Variants in RIGI observed in about 807,000 individuals in gnomAD.
The protein encoded by RIGI is antiviral innate immune response receptor RIG-I.
the RIGI span, among the ~76,000 whole-genome samples, chr9:32,521,150 A>AAAAAAAAAAAAAAAAAAAAAAT: frequency 6.7e-6 from 1 of 150,262 alleles, no homozygotes; most frequent in Admixed American, 6.6e-5. Context: ...AAAAAAAAAA[A>AAAAAAAAAAAAAAAAAAAAAAT]AAAAAAAAAA....
chr9:32,467,639 G>C, the RIGI span: 3 of 888,570 alleles, frequency 3.4e-6, no homozygotes, highest in Non-Finnish European at 4.9e-6. Context: ...ATACCAAAGT[G>C]CACTGTGCCA....
the RIGI span, among the ~76,000 whole-genome samples, chr9:32,522,434 G>T: frequency 6.6e-6 from 1 of 152,106 alleles, no homozygotes; most frequent in Non-Finnish European, 1.5e-5. Flanking sequence ...TTTTATAAGG[G>T]GACACAGTTG....
the RIGI span, among the ~76,000 whole-genome samples, chr9:32,511,211 G>A: frequency 6.6e-6 from 1 of 152,100 alleles, no homozygotes; most frequent in African/African-American, 2.4e-5. Context: ...TTCAGGACTT[G>A]AACTCAGCTC....
the RIGI span, among the ~76,000 whole-genome samples, chr9:32,501,967 A>T: frequency 1.3e-5 from 2 of 152,222 alleles, no homozygotes; most frequent in Non-Finnish European, 2.9e-5. Context: ...CTACTATTTT[A>T]GTACATTTTC....
the RIGI span, among the ~76,000 whole-genome samples, chr9:32,484,853 T>A: frequency 1.3e-5 from 2 of 152,228 alleles, no homozygotes; most frequent in South Asian, 4.1e-4. Flanking sequence ...AGTAGAGGAA[T>A]GGTGGTTTCA....
the RIGI span, among the ~76,000 whole-genome samples, chr9:32,518,312 T>C: frequency 2.6e-5 from 4 of 151,538 alleles, no homozygotes; most frequent in South Asian, 2.1e-4. Context: ...AGGAAGGTTA[T>C]AAAGAAAATA....
chr9:32,457,801 A>G, the RIGI span, among the ~76,000 whole-genome samples: 1 of 152,228 alleles, frequency 6.6e-6, no homozygotes, highest in East Asian at 1.9e-4. Flanking sequence ...CAAAGGATAC[A>G]GGGAAAACGA....
chr9:32,506,019 C>T, the RIGI span, among the ~76,000 whole-genome samples: 99 of 152,244 alleles, frequency 6.5e-4, no homozygotes, highest in Non-Finnish European at 1.2e-3. Context: ...GAGTTCAAGA[C>T]CATCCTGGCC....
chr9:32,467,949 G>C, the RIGI span: 10 of 1,568,454 alleles, frequency 6.4e-6, no homozygotes, highest in Admixed American at 7.2e-5. Context: ...CAGAGTAAGA[G>C]GGCATTATAC....
the RIGI span, chr9:32,489,202 T>C: frequency 1.8e-6 from 1 of 558,770 alleles, no homozygotes; most frequent in Non-Finnish European, 3.1e-6. Context: ...TAAAAAACAT[T>C]AGGATTATAT....
At chr9:32,500,737 C>T in the RIGI span, 2 of 1,547,394 alleles carry the variant, frequency 1.3e-6, no homozygotes, top group South Asian at 2.4e-5. Context: ...AATAGCTTTT[C>T]ACTTTTACAG....
chr9:32,473,507 G>C, the RIGI span, among the ~76,000 whole-genome samples: 1 of 151,982 alleles, frequency 6.6e-6, no homozygotes, highest in Non-Finnish European at 1.5e-5. Flanking sequence ...GGCTGGTCTT[G>C]AATTCCTGAC....
the RIGI span, chr9:32,500,709 A>C: frequency 3.5e-6 from 5 of 1,448,374 alleles, no homozygotes; most frequent in African/African-American, 7.1e-5. Context: ...ATGAACTATA[A>C]GTGGATACTT....
chr9:32,508,260 C>CTTTTTTTTTTT, the RIGI span, among the ~76,000 whole-genome samples: 1 of 8,068 alleles, frequency 1.2e-4, no homozygotes, highest in Non-Finnish European at 3.2e-4. Flanking sequence ...TTTTTTTTTA[C>CTTTTTTTTTTT]TATATGAAAA....
chr9:32,482,488 G>GA, the RIGI span, among the ~76,000 whole-genome samples: 4 of 152,184 alleles, frequency 2.6e-5, no homozygotes, highest in African/African-American at 9.6e-5. Flanking sequence ...CAGTAGACAT[G>GA]AAAAACCCAA....
At chr9:32,490,355 CGA>C in the RIGI span, among the ~76,000 whole-genome samples, 46 of 152,042 alleles carry the variant, frequency 3.0e-4, no homozygotes, top group Non-Finnish European at 5.9e-4. Context: ...AGCAACAGAG[CGA>C]GAGACTCAGT....
the RIGI span, among the ~76,000 whole-genome samples, chr9:32,457,665 A>G: frequency 6.6e-6 from 1 of 152,166 alleles, no homozygotes; most frequent in Non-Finnish European, 1.5e-5. Flanking sequence ...CTCATAAAGA[A>G]GAAGATTAAG....
chr9:32,483,597 T>C, the RIGI span, among the ~76,000 whole-genome samples: 1 of 152,142 alleles, frequency 6.6e-6, no homozygotes, highest in Non-Finnish European at 1.5e-5. Context: ...CCCTTCCTCT[T>C]GCCTTGTTCC....
chr9:32,490,117 G>A, the RIGI span, among the ~76,000 whole-genome samples: 7 of 152,190 alleles, frequency 4.6e-5, no homozygotes, highest in African/African-American at 1.7e-4. Context: ...GCTCATGCCT[G>A]TAATCCCAGC....
Sources: gnomAD v4.1 joint callset for allele counts (sites outside exome capture counted in the v4.1 genomes callset) on GRCh38, gnomAD v4.1.1 for gene constraint, MANE v1.5 for transcripts, NCBI Gene and HGNC (gene_info 2026-07-23, HGNC 2026-07-21) for gene names.